UBR3: variants seen among roughly 807,000 people sequenced by gnomAD.
UBR3 encodes ubiquitin protein ligase E3 component n-recognin 3, also known as E3 ubiquitin-protein ligase UBR3.
UBR3 carries 85 observed loss-of-function variants against 243.2 expected under a neutral mutation model. The observed-to-expected ratio is 0.35, with a 90% CI of 0.29 to 0.42. The LOEUF is 0.42. UBR3 is among the 10% of genes least tolerant of loss of function. UBR3 has a pLI of 1.00. For synonymous variants in UBR3, 748 were observed against 799.8 expected, an observed-to-expected ratio of 0.94 and a Z score of 1.09; for missense variants, 1,686 against 2,300.8, an observed-to-expected ratio of 0.73 and a Z score of 5.47.
At chr2:170,069,052 TAAGA>T (rs2091640825) in intron 35 of UBR3, among the ~76,000 whole-genome samples, 1 of 152,104 alleles carries the variant, frequency 6.6e-6, no homozygotes. Flanking sequence ...CTGAGACATT[TAAGA>T]AAGAAATTGT....
chr2:169,999,563 A>G (rs1431540732), intron 26 of UBR3, among the ~76,000 whole-genome samples: 1 of 152,204 alleles, frequency 6.6e-6, no homozygotes, highest in African/African-American at 2.4e-5. Context: ...TGGCTCTCAA[A>G]TCTTTCATCA....
intron 32 of UBR3, among the ~76,000 whole-genome samples, chr2:170,052,852 TACACACAG>T (rs2091251663): frequency 1.3e-5 from 2 of 152,332 alleles, no homozygotes; most frequent in East Asian, 1.9e-4. Context: ...TGCACACACA[TACACACAG>T]ACACATGTAA....
chr2:169,831,129 T>TATATATATATATATATATATA (rs2081925483), intron 1 of UBR3, among the ~76,000 whole-genome samples: 1 of 23,788 alleles, frequency 4.2e-5, no homozygotes, highest in African/African-American at 2.4e-4. Context: ...ATATATATAT[T>TATATATATATATATATATATA]TTTTTTTTTT....
At chr2:169,897,370 G>T (rs555531659) in intron 8 of UBR3, among the ~76,000 whole-genome samples, 2 of 151,922 alleles carry the variant, frequency 1.3e-5, no homozygotes, top group South Asian at 4.1e-4. Context: ...TAATGTTTCT[G>T]TACCTCTTCC....
At chr2:170,054,490 G>A (rs2091290072) in intron 32 of UBR3, among the ~76,000 whole-genome samples, 2 of 151,902 alleles carry the variant, frequency 1.3e-5, no homozygotes, top group African/African-American at 4.8e-5. Context: ...CACTATGTTG[G>A]CCAGGCTGGT....
At chr2:169,957,351 G>C (rs2087350098) in intron 23 of UBR3, among the ~76,000 whole-genome samples, 1 of 151,924 alleles carries the variant, frequency 6.6e-6, no homozygotes, top group South Asian at 2.1e-4. Context: ...AGAAAATGTG[G>C]CACATATACA....
intron 1 of UBR3, among the ~76,000 whole-genome samples, chr2:169,838,384 CATTTGTGTGTGTGTGTGTGTGTGTGT>C (rs2082177019): frequency 7.5e-6 from 1 of 133,522 alleles, no homozygotes; most frequent in Admixed American, 7.8e-5. Context: ...AAGATTAAGG[CATTTGTGTGTGTGTGTGTGTGTGTGT>C]GTGTGTGTGT....
At position 169,943,006 on chromosome 2, in the gene UBR3, A is replaced by C. The variant is rs200997546; in HGVS notation, c.2805+372A>C. On this transcript the variant is annotated intron_variant, in intron 20 of 38. Transcript: ENST00000272793. ...AGAATGGCAGTTATGTGAGGCAGTG[A>C]ATCTTAGGTTGGGGGGTTCTTTTTG... Among the ~76,000 whole-genome samples, 4 of 152,166 alleles carry C rather than the reference A, an allele frequency of 2.6e-5. No individual in the cohort carries two copies. The East Asian group carries it at 5.8e-4, about 22-fold the overall frequency.
chr2:170,081,374 C>T (rs1377259881), intron 38 of UBR3, among the ~76,000 whole-genome samples: 1 of 151,808 alleles, frequency 6.6e-6, no homozygotes, highest in Non-Finnish European at 1.5e-5. Flanking sequence ...GTGGCGGGCC[C>T]CTATAGTCCC....
chr2:169,850,627 G>A (rs1458606694), intron 1 of UBR3, among the ~76,000 whole-genome samples: 2 of 152,136 alleles, frequency 1.3e-5, no homozygotes, highest in Admixed American at 6.5e-5. Flanking sequence ...GGTGGATCAC[G>A]AGGTCAGGAG....
intron 19 of UBR3, among the ~76,000 whole-genome samples, chr2:169,938,861 C>T (rs982481841): frequency 6.6e-6 from 1 of 152,082 alleles, no homozygotes; most frequent in Non-Finnish European, 1.5e-5. Flanking sequence ...AGTGGTCCAA[C>T]TTAATTCTTA....
intron 28 of UBR3, among the ~76,000 whole-genome samples, chr2:170,008,319 A>G (rs544577965): frequency 6.6e-6 from 1 of 152,366 alleles, no homozygotes; most frequent in African/African-American, 2.4e-5. Context: ...AAACCTAGAT[A>G]GATTCATCTG....
At chr2:169,945,409 T>A (rs183686651) in intron 20 of UBR3, among the ~76,000 whole-genome samples, 1 of 152,328 alleles carries the variant, frequency 6.6e-6, no homozygotes, top group African/African-American at 2.4e-5. Context: ...GTCTCTCTAT[T>A]CTTTAATTGT....
At chr2:169,857,079 T>TTTG (rs1559027139) in intron 1 of UBR3, among the ~76,000 whole-genome samples, 3 of 127,646 alleles carry the variant, frequency 2.4e-5, no homozygotes, top group African/African-American at 5.9e-5. Context: ...TTTTTTTTTT[T>TTTG]TTTTTTTTTT....
At chr2:170,076,401 T>C (rs970384617) in intron 36 of UBR3, among the ~76,000 whole-genome samples, 2 of 152,206 alleles carry the variant, frequency 1.3e-5, no homozygotes, top group African/African-American at 4.8e-5. Context: ...ATTTTACTTA[T>C]GACTGCAAAT....
chr2:169,841,961 G>C (rs957995527), intron 1 of UBR3, among the ~76,000 whole-genome samples: 2 of 152,238 alleles, frequency 1.3e-5, no homozygotes, highest in South Asian at 2.1e-4. Context: ...CTGTAGCCCC[G>C]GTGCGGGATC....
intron 18 of UBR3, among the ~76,000 whole-genome samples, chr2:169,931,783 A>G (rs977497314): frequency 6.6e-6 from 1 of 152,166 alleles, no homozygotes; most frequent in Non-Finnish European, 1.5e-5. Context: ...GCCTCTTCCT[A>G]AGCGTGATTA....
chr2:170,028,072 A>C (rs1352703501), intron 30 of UBR3, among the ~76,000 whole-genome samples: 1 of 151,968 alleles, frequency 6.6e-6, no homozygotes, highest in Admixed American at 6.6e-5. Flanking sequence ...TGTAGGCTAC[A>C]CATTGACTTA....
chr2:169,932,918 T>C lies in UBR3; in HGVS notation c.2573T>C (p.Val858Ala). 2 of 1,544,386 alleles carry C rather than the reference T, an allele frequency of 1.3e-6. No individual in the cohort carries two copies. The highest frequency in any genetic ancestry group is 8.7e-7 in the Non-Finnish European group (1 of 1,144,982). The change falls in exon 19 of 39, where the codon GTC becomes GCC. Residue 858 changes from valine to alanine, a missense_variant. Around this residue, in one of 8 missense-constraint regions of UBR3, gnomAD observed 346 missense variants for 585.8 expected, o/e 0.59. Coordinates refer to ENST00000272793, the MANE Select transcript of UBR3 (RefSeq NM_172070.4). ...QQGMYTPKAE[V>A]WDQEFDPVMV... is the part of the protein sequence containing the mutation. ...ACTTTCTTTTGAATAATAGCTGAAG[T>C]CTGGGATCAAGAGTTTGACCCCGTC...
Sources: allele counts gnomAD v4.1 joint callset (sites outside exome capture counted in the v4.1 genomes callset), GRCh38; gene constraint gnomAD v4.1.1; regional missense constraint gnomAD v4.1.1; transcripts MANE v1.5; gene names NCBI Gene and HGNC (gene_info 2026-07-23, HGNC 2026-07-21).